The following PKDREJ variants were observed in gnomAD, a reference collection of about 807,000 sequenced individuals.
The protein encoded by PKDREJ is PKD and REJ homolog.
For synonymous variants in PKDREJ, 1,031 were observed against 1,095.5 expected (o/e 0.94, Z 1.16); for missense variants, 2,507 against 2,807.2 (o/e 0.89, Z 2.42).
In PKDREJ at chr22:46,256,903, T is replaced by C; in HGVS notation, c.6420A>G (p.Glu2140=). 6.2e-7 allele frequency: 1 copy of C among 1,613,986 alleles called. No individual in the cohort carries two copies. Among genetic ancestry groups the C allele is most frequent in the Non-Finnish European group, 8.5e-7 (1 of 1,180,010 alleles). The change falls in exon 1 of 1, where the codon GAA becomes GAG. Residue 2140 remains glutamate, a synonymous_variant. Transcript: ENST00000253255. This position sits in a 1 kb window ranked among gnomAD's most constrained non-coding sequence, Gnocchi z 5.3. The part of the protein sequence containing the change: ...SYCVSAFQNT[E]FSNNRILGVL... ...CCCCCAGAATCCTGTTATTGGAAAA[T>C]TCAGTGTTCTGGAAAGCTGAGACAC...
chr22:46,257,821 T>G lies in PKDREJ; in HGVS notation c.5502A>C (p.Thr1834=), dbSNP rs1343536240. The change falls in exon 1 of 1, where the codon ACA becomes ACC. Residue 1834 remains threonine, a synonymous_variant. Coordinates refer to ENST00000253255, the MANE Select transcript of PKDREJ (RefSeq NM_006071.2). The surrounding 1 kb of genome is among the most constrained non-coding windows in gnomAD (Gnocchi z 4.7). ...CATTCCAAAAGCCAGAATAGTTTTT[T>G]GTGTCTTCTGGGTCAATGCCATATT... ...HPKYGIDPED[T]KNYSGFWNEV... is the part of the protein sequence containing the mutation. 3 of 1,614,220 alleles carry G rather than the reference T, an allele frequency of 1.9e-6. No homozygotes were observed.
chr22:46,259,448 T>A lies in PKDREJ; in HGVS notation c.3875A>T (p.Asp1292Val). The change falls in exon 1 of 1, where the codon GAC becomes GTC. Residue 1292 changes from aspartate to valine, a missense_variant. By Grantham distance (152) the Asp-to-Val change is radical. Coordinates refer to ENST00000253255, the MANE Select transcript of PKDREJ (RefSeq NM_006071.2). The surrounding 1 kb of genome is among the most constrained non-coding windows in gnomAD (Gnocchi z 6.8). ...GTGCCACACACGGATGGAATGGATGTCCCCCAAGTCACTTTTTGTCGTTAG... is the reference window on the plus strand; with the variant it reads ...GTGCCACACACGGATGGAATGGATGACCCCCAAGTCACTTTTTGTCGTTAG... ...FLLTTKSDLG[D>V]IHSIRVWHNN... is the part of the protein sequence containing the mutation. 2 of 1,614,132 alleles carry A rather than the reference T, an allele frequency of 1.2e-6. No homozygotes were observed. Among genetic ancestry groups the A allele is most frequent in the South Asian group, 2.2e-5 (2 of 91,068 alleles).
rs753535277 is a variant in PKDREJ at position 46,258,122 on chromosome 22, G to A, written c.5201C>T (p.Thr1734Ile). 5 of 1,613,840 alleles carry A rather than the reference G, an allele frequency of 3.1e-6. No homozygotes were observed. The highest frequency in any genetic ancestry group is 3.4e-6 in the Non-Finnish European group (4 of 1,179,858). Residue 1734 changes from threonine (T) to isoleucine (I), a missense_variant, in exon 1 of 1, where the codon ACT becomes ATT. Coordinates refer to ENST00000253255, the MANE Select transcript of PKDREJ (RefSeq NM_006071.2). The surrounding 1 kb of genome is among the most constrained non-coding windows in gnomAD (Gnocchi z 6.1). ...LLILIVLLRH[T>I]DCFYYNQFIR... ...AAACTGGTTATAGTAAAAGCAGTCAGTGTGACGTAGTAAGACGATAAGGAT... is the reference window on the plus strand; with the variant it reads ...AAACTGGTTATAGTAAAAGCAGTCAATGTGACGTAGTAAGACGATAAGGAT...
At position 46,262,738 on chromosome 22, in the gene PKDREJ, G is replaced by C. The variant is rs776440421; in HGVS notation, c.585C>G (p.Ala195=). ...TDGPARVMLQ[A]VNSSSHRAVE... Reference sequence around the variant, plus strand: ...CGGCTCTGTGGCTGGACGAGTTGACGGCCTGCAACATCACGCGCGCGGGGC... The same window carrying C: ...CGGCTCTGTGGCTGGACGAGTTGACCGCCTGCAACATCACGCGCGCGGGGC... Residue 195 remains alanine (A), a synonymous_variant, in exon 1 of 1, where the codon GCC becomes GCG. Coordinates refer to ENST00000253255, the MANE Select transcript of PKDREJ (RefSeq NM_006071.2). The surrounding 1 kb of genome is among the most constrained non-coding windows in gnomAD (Gnocchi z 8.1). The C allele has an allele frequency of 1.9e-6, 3 of 1,604,632 alleles. No homozygotes were observed. The highest frequency in any genetic ancestry group is 2.6e-6 in the Non-Finnish European group (3 of 1,176,246).
chr22:46,261,697 T>C lies in PKDREJ; in HGVS notation c.1626A>G (p.Ala542=), dbSNP rs1936698278. 2 of 1,613,990 alleles carry C rather than the reference T, an allele frequency of 1.2e-6. No individual in the cohort carries two copies. Among genetic ancestry groups the C allele is most frequent in the Middle Eastern group, 1.6e-4 (1 of 6,062 alleles). The change falls in exon 1 of 1, where the codon GCA becomes GCG. Residue 542 remains alanine, a synonymous_variant. Coordinates refer to ENST00000253255, the MANE Select transcript of PKDREJ (RefSeq NM_006071.2). This position sits in a 1 kb window ranked among gnomAD's most constrained non-coding sequence, Gnocchi z 7.1. ...AGACCGAGGTCACTCCACTCCAACATGCTAGATACAGAGAAATCGAAAACT... is the reference window on the plus strand; with the variant it reads ...AGACCGAGGTCACTCCACTCCAACACGCTAGATACAGAGAAATCGAAAACT... ...EAEFSISLYL[A]CWSGVTSVFR...
rs1936712068 is a variant in PKDREJ, at chr22:46,262,701, C to G, written c.622G>C (p.Val208Leu). Residue 208 changes from valine (V) to leucine (L), a missense_variant, in exon 1 of 1, where the codon GTG becomes CTG. Transcript: ENST00000253255. This position sits in a 1 kb window ranked among gnomAD's most constrained non-coding sequence, Gnocchi z 8.1. The stretch of plus-strand genomic sequence containing the variant: ...ACGCAGGCGTTTATCTGACAGGACA[C>G]GGACGACTCGACGGCTCTGTGGCTG... ...SSSHRAVESS[V>L]SCQINACVIQ... 1.9e-6 allele frequency: 3 copies of G among 1,612,696 alleles called. No individual in the cohort carries two copies. The highest frequency in any genetic ancestry group is 2.5e-6 in the Non-Finnish European group (3 of 1,179,676).
In PKDREJ at chr22:46,257,436, C is replaced by G. The variant is rs1569269687; in HGVS notation, c.5887G>C (p.Ala1963Pro). ...ATGGCCACATACAAGTAGATTTCTG[C>G]TGAAGCTTTTCTGTCAAAATCAGCA... The part of the protein sequence containing the change: ...SLADFDRKAS[A>P]EIYLYVAILI... The change falls in exon 1 of 1, where the codon GCA becomes CCA. Residue 1963 changes from alanine to proline, a missense_variant. Physicochemically the swap from Ala to Pro is conservative, Grantham distance 27. Transcript: ENST00000253255. This position sits in a 1 kb window ranked among gnomAD's most constrained non-coding sequence, Gnocchi z 4.7. The G allele has an allele frequency of 1.2e-6, 2 of 1,614,004 alleles. No individual in the cohort carries two copies. Among genetic ancestry groups the G allele is most frequent in the African/African-American group, 2.7e-5 (2 of 75,036 alleles).
Position 46,263,168 on chromosome 22 carries a change from C to A in PKDREJ, c.155G>T (p.Gly52Val). Residue 52 changes from glycine (G) to valine (V), a missense_variant, in exon 1 of 1, where the codon GGC becomes GTC. Coordinates refer to ENST00000253255, the MANE Select transcript of PKDREJ (RefSeq NM_006071.2). The surrounding 1 kb of genome is among the most constrained non-coding windows in gnomAD (Gnocchi z 9.4). ...CCGCAGACTGAGGAGGGCGCGGCCGCCGCGCACCCCGAGGCCCGGGGCGCC... is the reference window on the plus strand; with the variant it reads ...CCGCAGACTGAGGAGGGCGCGGCCGACGCGCACCCCGAGGCCCGGGGCGCC... Reference protein sequence around the residue: ...LRGAPGLGVRGGRALLSLRPS... With the variant: ...LRGAPGLGVRVGRALLSLRPS... 7.9e-7 allele frequency: 1 copy of A among 1,259,810 alleles called. No individual in the cohort carries two copies. Among genetic ancestry groups the A allele is most frequent in the Non-Finnish European group, 9.9e-7 (1 of 1,006,118 alleles). The allele number at this position is 1,259,810 out of a possible 1,614,324, so 78.0% of individuals were successfully genotyped here. A position where few individuals can be genotyped will look rare whatever the true frequency, so the allele number is the denominator to read the frequency against.
chr22:46,262,003 C>G lies in PKDREJ; in HGVS notation c.1320G>C (p.Arg440Ser). Reference protein sequence around the residue: ...FFRMVIRKDSRTAFSDKRVHV... With the variant: ...FFRMVIRKDSSTAFSDKRVHV... ...GGACCCTCTTATCAGAAAACGCTGTCCTAGAGTCCTTCCGAATCACCATTC... is the reference window on the plus strand; with the variant it reads ...GGACCCTCTTATCAGAAAACGCTGTGCTAGAGTCCTTCCGAATCACCATTC... The change falls in exon 1 of 1, where the codon AGG becomes AGC. Residue 440 changes from arginine (R) to serine (S), a missense_variant. Transcript: ENST00000253255. The surrounding 1 kb of genome is among the most constrained non-coding windows in gnomAD (Gnocchi z 8.1). The G allele has an allele frequency of 6.2e-7, 1 of 1,614,090 alleles. No homozygotes were observed. Among genetic ancestry groups the G allele is most frequent in the Non-Finnish European group, 8.5e-7 (1 of 1,180,012 alleles).
chr22:46,257,637 G>T lies in PKDREJ; in HGVS notation c.5686C>A (p.Leu1896Met), dbSNP rs146550934. The change falls in exon 1 of 1, where the codon CTG (leucine) becomes ATG (methionine). Residue 1896 changes from leucine to methionine, a missense_variant. Coordinates refer to ENST00000253255, the MANE Select transcript of PKDREJ (RefSeq NM_006071.2). This position sits in a 1 kb window ranked among gnomAD's most constrained non-coding sequence, Gnocchi z 4.7. ...FPEQQRFNSTLRLKELQESNW... is the reference protein window; with the variant it reads ...FPEQQRFNSTMRLKELQESNW... ...CTTTCTTGAAGTTCTTTGAGCCTCA[G>T]TGTGGAATTAAACCGCTGCTGTTCT... 1.5e-4 allele frequency: 246 copies of T among 1,614,112 alleles called. No individual in the cohort carries two copies. Among genetic ancestry groups the T allele is most frequent in the African/African-American group, 3.9e-4 (29 of 75,042 alleles).
chr22:46,260,416 T>C lies in PKDREJ; in HGVS notation c.2907A>G (p.Gly969=), dbSNP rs1825105565. The C allele has an allele frequency of 6.2e-7, 1 of 1,614,022 alleles. No individual in the cohort carries two copies. The highest frequency in any genetic ancestry group is 1.7e-5 in the Admixed American group (1 of 60,006). Residue 969 remains glycine (G), a synonymous_variant, in exon 1 of 1, where the codon GGA becomes GGG. Coordinates refer to ENST00000253255, the MANE Select transcript of PKDREJ (RefSeq NM_006071.2). The surrounding 1 kb of genome is among the most constrained non-coding windows in gnomAD (Gnocchi z 4.5). ...LTFAAFNLTV[G]PNSEVDGSLK... The stretch of plus-strand genomic sequence containing the variant: ...AGGACCCATCAACCTCGCTGTTGGG[T>C]CCCACTGTGAGATTAAAAGCTGCAA...
In PKDREJ at chr22:46,258,271, C is replaced by G; in HGVS notation, c.5052G>C (p.Arg1684Ser). 1 of 1,614,174 alleles carries G rather than the reference C, an allele frequency of 6.2e-7. No individual in the cohort carries two copies. Among genetic ancestry groups the G allele is most frequent in the Non-Finnish European group, 8.5e-7 (1 of 1,180,026 alleles). The change falls in exon 1 of 1, where the codon AGG (arginine) becomes AGC (serine). Residue 1684 changes from arginine to serine, a missense_variant. By Grantham distance (110) the Arg-to-Ser change is moderately radical. Transcript: ENST00000253255. The surrounding 1 kb of genome is among the most constrained non-coding windows in gnomAD (Gnocchi z 6.1). Reference protein sequence around the residue: ...HDQIVRIRGTRMYQPLTEDEI... With the variant: ...HDQIVRIRGTSMYQPLTEDEI... ...CATCTTCTGTAAGGGGTTGGTACAT[C>G]CTCGTGCCTCGGATTCGGACGATCT...
Position 46,259,732 on chromosome 22 carries a change from G to A in PKDREJ, c.3591C>T (p.Tyr1197=), listed in dbSNP as rs374543364. 49 of 1,614,078 alleles carry A rather than the reference G, an allele frequency of 3.0e-5. No individual in the cohort carries two copies. Among genetic ancestry groups the A allele is most frequent in the African/African-American group, 8.0e-5 (6 of 74,932 alleles). The change falls in exon 1 of 1, where the codon TAC becomes TAT. Residue 1197 remains tyrosine, a synonymous_variant. Transcript: ENST00000253255. This position sits in a 1 kb window ranked among gnomAD's most constrained non-coding sequence, Gnocchi z 6.8. The part of the protein sequence containing the change: ...LFTVLFIILL[Y]VGLAFWALYR... ...ATAAAGCCCAAAAAGCTAGGCCCAC[G>A]TATAAGAGAATAATGAAAAGCACAG...
Position 46,259,354 on chromosome 22 carries a change from GTGCCTGC to G in PKDREJ, c.3962_3968del (p.Ser1321ThrfsTer30), listed in dbSNP as rs781335256. 6.2e-7 allele frequency: 1 copy of G among 1,614,196 alleles called. No homozygotes were observed. The highest frequency in any genetic ancestry group is 8.5e-7 in the Non-Finnish European group (1 of 1,180,028). The stretch of plus-strand genomic sequence containing the variant: ...ATTTCTGGCATATGAACAGCCAAAT[GTGCCTGC>G]TAAACAGATTTTCCACTTTGATTCT... On this transcript the variant is annotated frameshift_variant, in exon 1 of 1. Coordinates refer to ENST00000253255, the MANE Select transcript of PKDREJ (RefSeq NM_006071.2). LOFTEE classifies it low-confidence loss of function (END_TRUNC). The surrounding 1 kb of genome is among the most constrained non-coding windows in gnomAD (Gnocchi z 6.8).
At position 46,262,233 on chromosome 22, in the gene PKDREJ, G is replaced by A; in HGVS notation, c.1090C>T (p.Pro364Ser). ...LILDGSTSSDPDADSPLQGLQ... is the reference protein window; with the variant it reads ...LILDGSTSSDSDADSPLQGLQ... The stretch of plus-strand genomic sequence containing the variant: ...CCCTGTAACGGGCTGTCCGCATCTG[G>A]GTCCGAGGACGTGGACCCGTCCAGA... The change falls in exon 1 of 1, where the codon CCA becomes TCA. Residue 364 changes from proline (P) to serine (S), a missense_variant. Pro to Ser is a moderately conservative substitution (Grantham distance 74, BLOSUM62 -1). Coordinates refer to ENST00000253255, the MANE Select transcript of PKDREJ (RefSeq NM_006071.2). The surrounding 1 kb of genome is among the most constrained non-coding windows in gnomAD (Gnocchi z 8.1). 6.2e-7 allele frequency: 1 copy of A among 1,614,136 alleles called. No homozygotes were observed. Among genetic ancestry groups the A allele is most frequent in the African/African-American group, 1.3e-5 (1 of 75,034 alleles).
chr22:46,262,584 G>C lies in PKDREJ; in HGVS notation c.739C>G (p.Leu247Val). The C allele has an allele frequency of 1.2e-6, 2 of 1,611,188 alleles. No individual in the cohort carries two copies. The highest frequency in any genetic ancestry group is 1.1e-5 in the South Asian group (1 of 90,786). ...ATGGCGCGCGCGGCCGGGCAGTCCA[G>C]CTGCACCGAGGCGTTGATGGTGGCC... ...AEATINASVQ[L>V]DCPAARAIAQ... The change falls in exon 1 of 1, where the codon CTG becomes GTG. Residue 247 changes from leucine to valine, a missense_variant. By Grantham distance (32) the Leu-to-Val change is conservative. Coordinates refer to ENST00000253255, the MANE Select transcript of PKDREJ (RefSeq NM_006071.2). The surrounding 1 kb of genome is among the most constrained non-coding windows in gnomAD (Gnocchi z 8.1).
At position 46,261,787 on chromosome 22, in the gene PKDREJ, TAC is replaced by T. The variant is rs1187219286; in HGVS notation, c.1534_1535del (p.Val512AsnfsTer22). 1.2e-6 allele frequency: 2 copies of T among 1,614,064 alleles called. No homozygotes were observed. Among genetic ancestry groups the T allele is most frequent in the East Asian group, 2.2e-5 (1 of 44,886 alleles). ...EMLFDWMGET[V>X]TGRNGAYLSI... is the part of the protein sequence containing the mutation. The stretch of plus-strand genomic sequence containing the variant: ...ACAGATAAGCACCATTCCTTCCTGT[TAC>T]AGTTTCCCCCATCCAATCAAATAGC... On this transcript the variant is annotated frameshift_variant, in exon 1 of 1. Transcript: ENST00000253255. LOFTEE classifies it low-confidence loss of function (END_TRUNC). This position sits in a 1 kb window ranked among gnomAD's most constrained non-coding sequence, Gnocchi z 7.1.
In PKDREJ at chr22:46,256,567, A is replaced by T; in HGVS notation, c.6756T>A (p.Val2252=). ...CTCATGAAACCATCATTCATCAAAC[A>T]ACAAGGTAAACCATTTTCTTCCCGT... ...NINGKKMVYL[V]V is the part of the protein sequence containing the mutation. The change falls in exon 1 of 1, where the codon GTT becomes GTA. Residue 2252 remains valine, a synonymous_variant. Coordinates refer to ENST00000253255, the MANE Select transcript of PKDREJ (RefSeq NM_006071.2). The surrounding 1 kb of genome is among the most constrained non-coding windows in gnomAD (Gnocchi z 5.3). 1 of 1,611,570 alleles carries T rather than the reference A, an allele frequency of 6.2e-7. No homozygotes were observed. The highest frequency in any genetic ancestry group is 8.5e-7 in the Non-Finnish European group (1 of 1,178,990).
chr22:46,258,760 G>A lies in PKDREJ; in HGVS notation c.4563C>T (p.His1521=). 1 of 1,614,186 alleles carries A rather than the reference G, an allele frequency of 6.2e-7. No homozygotes were observed. Among genetic ancestry groups the A allele is most frequent in the Non-Finnish European group, 8.5e-7 (1 of 1,180,042 alleles). ...TCTTGATTTGTGCTTTCCTATGCCTGTGCTTGGGTTTGGAGGTTGCCTTAG... is the reference window on the plus strand; with the variant it reads ...TCTTGATTTGTGCTTTCCTATGCCTATGCTTGGGTTTGGAGGTTGCCTTAG... ...ASPKATSKPK[H]RHRKAQIKTP... Residue 1521 remains histidine (H), a synonymous_variant, in exon 1 of 1, where the codon CAC becomes CAT. Transcript: ENST00000253255. This position sits in a 1 kb window ranked among gnomAD's most constrained non-coding sequence, Gnocchi z 6.1.
Sources: allele counts gnomAD v4.1 joint callset, GRCh38; gene constraint gnomAD v4.1.1; non-coding constraint Gnocchi (gnomAD v3.1); transcripts MANE v1.5; gene names NCBI Gene and HGNC (gene_info 2026-07-23, HGNC 2026-07-21).